Variants in FAM168A observed in about 807,000 individuals in gnomAD.
FAM168A encodes family with sequence similarity 168 member A.
FAM168A carries 3 observed loss-of-function variants against 28.5 expected under a neutral mutation model. The ratio of observed to expected loss-of-function variants is 0.11; its 90% confidence interval spans 0.05 to 0.27. The LOEUF (loss-of-function observed/expected upper bound fraction) is 0.27, where lower values mean the gene tolerates loss of function less well. FAM168A is among the 10% of genes least tolerant of loss of function. The pLI, the probability that FAM168A is intolerant of heterozygous loss-of-function variation, is 1.00. For missense variants in FAM168A, 222 were observed against 311.5 expected, an observed-to-expected ratio of 0.71 and a Z score of 2.16; for synonymous variants, 122 against 124.2, an observed-to-expected ratio of 0.98 and a Z score of 0.12.
intron 1 of FAM168A, among the ~76,000 whole-genome samples, chr11:73,568,350 G>A (rs535164323): frequency 2.9e-4 from 44 of 152,136 alleles, no homozygotes; most frequent in African/African-American, 8.4e-4. Flanking sequence ...CTGGAACAAC[G>A]GAATCAATTA....
intron 1 of FAM168A, among the ~76,000 whole-genome samples, chr11:73,541,497 C>T (rs976320232): frequency 6.6e-6 from 1 of 151,750 alleles, no homozygotes; most frequent in African/African-American, 2.4e-5. Context: ...CTCAGCCTCC[C>T]GAGCAGCTGG....
intron 1 of FAM168A, among the ~76,000 whole-genome samples, chr11:73,486,514 T>C (rs1192799075): frequency 4.6e-5 from 7 of 152,238 alleles, no homozygotes; most frequent in African/African-American, 1.4e-4. Flanking sequence ...GGTTCATCCA[T>C]GTTAAAGCAT....
In FAM168A at chr11:73,402,586, A is replaced by G. The variant is rs1270260235; in HGVS notation, c.*4177T>C. ...CTGGTCCTCACCCATGGGAAAAGCA[A>G]GCCCAGGGACTTCAGTCTGTACGTT... On this transcript the variant is annotated 3_prime_UTR_variant, in exon 8 of 8. Coordinates refer to ENST00000356467, the MANE Select transcript of FAM168A (RefSeq NM_015159.3). 2 of 152,212 alleles carry G rather than the reference A, an allele frequency of 1.3e-5. No homozygotes were observed. The highest frequency in any genetic ancestry group is 6.5e-5 in the Admixed American group (1 of 15,272). 9.4% of individuals were successfully genotyped at this position (152,212 alleles called of 1,614,324 possible).
intron 2 of FAM168A, among the ~76,000 whole-genome samples, chr11:73,434,106 A>C (rs1368274076): frequency 1.4e-5 from 2 of 147,842 alleles, no homozygotes; most frequent in African/African-American, 4.9e-5. Flanking sequence ...GGCCTCCCAA[A>C]GTGCTGGGAT....
chr11:73,487,784 G>A (rs933340722), intron 1 of FAM168A, among the ~76,000 whole-genome samples: 3 of 151,928 alleles, frequency 2.0e-5, no homozygotes, highest in African/African-American at 7.3e-5. Flanking sequence ...TAACTTTCTA[G>A]TTTGCTCTCT....
At chr11:73,461,113 AT>A (rs1867639562) in intron 2 of FAM168A, among the ~76,000 whole-genome samples, 2 of 151,814 alleles carry the variant, frequency 1.3e-5, no homozygotes, top group African/African-American at 4.8e-5. Context: ...TACTGAATTC[AT>A]TGTCAATCTT....
intron 1 of FAM168A, among the ~76,000 whole-genome samples, chr11:73,597,096 C>T (rs1944446663): frequency 6.6e-6 from 1 of 152,056 alleles, no homozygotes; most frequent in Admixed American, 6.6e-5. Context: ...CTGTGCCCCA[C>T]ACTCCATTTC....
chr11:73,597,540 C>A (rs1011519117), intron 1 of FAM168A, among the ~76,000 whole-genome samples: 2 of 151,992 alleles, frequency 1.3e-5, no homozygotes, highest in African/African-American at 4.8e-5. Flanking sequence ...CTGCTCCAGG[C>A]CAAACCCAAA....
At chr11:73,524,761 C>T (rs780262310) in intron 1 of FAM168A, among the ~76,000 whole-genome samples, 3 of 152,078 alleles carry the variant, frequency 2.0e-5, no homozygotes, top group Non-Finnish European at 4.4e-5. Context: ...CCATGCCTGC[C>T]TAATTTTTTG....
At chr11:73,495,235 A>G (rs896106008) in intron 1 of FAM168A, among the ~76,000 whole-genome samples, 51 of 152,230 alleles carry the variant, frequency 3.4e-4, no homozygotes, top group African/African-American at 1.1e-3. Context: ...AGGCTGAGGC[A>G]GGAGAATGGC....
intron 1 of FAM168A, among the ~76,000 whole-genome samples, chr11:73,512,017 G>C (rs1366174024): frequency 6.6e-6 from 1 of 152,066 alleles, no homozygotes; most frequent in Non-Finnish European, 1.5e-5. Context: ...TTGCAAACAG[G>C]GGAAGTATTT....
chr11:73,593,568 C>T (rs1247250238), intron 1 of FAM168A, among the ~76,000 whole-genome samples: 1 of 152,112 alleles, frequency 6.6e-6, no homozygotes, highest in Admixed American at 6.6e-5. Flanking sequence ...TGTAAACATG[C>T]AAATATGCAT....
intron 1 of FAM168A, among the ~76,000 whole-genome samples, chr11:73,536,056 A>G (rs1943576243): frequency 6.6e-6 from 1 of 152,010 alleles, no homozygotes; most frequent in Non-Finnish European, 1.5e-5. Flanking sequence ...TGTGTTGCCC[A>G]TGCTGGTCTC....
At position 73,547,735 on chromosome 11, in the gene FAM168A, A is replaced by G. The variant is rs143047333; in HGVS notation, c.-19+50188T>C. On this transcript the variant is annotated intron_variant, in intron 1 of 7. Transcript: ENST00000356467. ...AATTCCATTTCTAGATATACATCCA[A>G]AAGAACTGAAAGCAGAATCTTGAAG... Among the ~76,000 whole-genome samples the G allele has an allele frequency of 1.6e-3, 238 of 152,282 alleles. 1 individual carries two copies. Among genetic ancestry groups the G allele is most frequent in the African/African-American group, 5.3e-3 (219 of 41,550 alleles).
intron 2 of FAM168A, among the ~76,000 whole-genome samples, chr11:73,448,264 T>A (rs1867359892): frequency 6.6e-6 from 1 of 152,136 alleles, no homozygotes; most frequent in East Asian, 1.9e-4. Context: ...GCCAGGATGG[T>A]CTTGATTTCT....
intron 1 of FAM168A, among the ~76,000 whole-genome samples, chr11:73,495,498 G>A (rs184184269): frequency 4.2e-4 from 64 of 152,218 alleles, no homozygotes; most frequent in African/African-American, 1.4e-3. Flanking sequence ...AAATCACTGG[G>A]GTGCTCTTCC....
chr11:73,557,815 AG>A (rs1229347248), intron 1 of FAM168A, among the ~76,000 whole-genome samples: 3 of 152,242 alleles, frequency 2.0e-5, no homozygotes, highest in Non-Finnish European at 4.4e-5. Flanking sequence ...GCATAAGGAC[AG>A]GTATATAGAC....
At chr11:73,529,796 C>CTTTTTTTTTTT (rs772530179) in intron 1 of FAM168A, among the ~76,000 whole-genome samples, 3,726 of 126,874 alleles carry the variant, frequency 0.029, 234 homozygotes, top group African/African-American at 0.088. Flanking sequence ...ACTTTTTCTT[C>CTTTTTTTTTTT]TTTTTTTTTT....
intron 1 of FAM168A, among the ~76,000 whole-genome samples, chr11:73,553,970 C>T (rs1590851118): frequency 1.3e-5 from 2 of 151,696 alleles, no homozygotes; most frequent in African/African-American, 4.8e-5. Context: ...GTCACTGCAC[C>T]CCAGCCTGTG....
Sources: gnomAD v4.1 joint callset for allele counts (sites outside exome capture counted in the v4.1 genomes callset) on GRCh38, gnomAD v4.1.1 for gene constraint, MANE v1.5 for transcripts, NCBI Gene and HGNC (gene_info 2026-07-23, HGNC 2026-07-21) for gene names.